RPGR: variants seen among roughly 807,000 people sequenced by gnomAD.
RPGR encodes the protein X-linked retinitis pigmentosa GTPase regulator.
A neutral mutation model predicts 56.3 loss-of-function variants in RPGR; 10 were observed. The ratio of observed to expected loss-of-function variants is 0.18; its 90% confidence interval spans 0.11 to 0.30. RPGR has a LOEUF of 0.30. Ranked by LOEUF, RPGR falls within the 10% of genes least tolerant of loss-of-function variation. The pLI is 1.00. For missense variants in RPGR, 538 were observed against 590.9 expected (o/e 0.91, Z 0.93); for synonymous variants, 197 against 212.9 (o/e 0.93, Z 0.65).
intron 1 of RPGR, chrX:38,325,998 A>C (rs760791755): frequency 8.9e-6 from 1 of 112,211 alleles, no homozygotes; most frequent in South Asian, 3.7e-4. Context: ...ATTAATACGC[A>C]AGAGACTAGC....
chrX:38,276,543 T>C lies in RPGR; in HGVS notation c.2091+44A>G, dbSNP rs377129933. 17 of 1,173,200 alleles carry C rather than the reference T, an allele frequency of 1.4e-5. No homozygotes were observed. The highest frequency in any genetic ancestry group is 3.0e-5 in the East Asian group (1 of 33,591). On this transcript the variant is annotated intron_variant, in intron 16 of 18. Transcript: ENST00000642395. Reference sequence around the variant, plus strand: ...CTCTGCAGAAACTAGAGAACCCATATGTTTTCTCCCAGGATCTCAGGATTT... The same window carrying C: ...CTCTGCAGAAACTAGAGAACCCATACGTTTTCTCCCAGGATCTCAGGATTT...
At chrX:38,279,212 T>C (rs2066986771) in intron 15 of RPGR, 1 of 331,034 alleles carries the variant, frequency 3.0e-6, no homozygotes, top group Non-Finnish European at 5.9e-6. Flanking sequence ...AATACTGTCA[T>C]TTTATAAAAA....
At chrX:38,282,194 C>T in intron 15 of RPGR, among the ~76,000 whole-genome samples, 1 of 111,458 alleles carries the variant, frequency 9.0e-6, no homozygotes, top group Non-Finnish European at 1.9e-5. Context: ...GGAGCTCATT[C>T]TTTCCTGGCA....
chrX:38,284,479 G>A, intron 15 of RPGR: 1 of 750,487 alleles, frequency 1.3e-6, no homozygotes, highest in Non-Finnish European at 1.6e-6. Context: ...AGAACAGTCA[G>A]TGAATACATT....
intron 1 of RPGR, among the ~76,000 whole-genome samples, chrX:38,325,537 T>G (rs780848354): frequency 1.1e-4 from 12 of 112,262 alleles, no homozygotes; most frequent in African/African-American, 3.9e-4. Flanking sequence ...GGGATCCAGT[T>G]ATAAAATGAA....
At chrX:38,304,912 A>T (rs2067568221) in intron 7 of RPGR, 122 bp from the exon 8 acceptor site, 1 of 588,029 alleles carries the variant, frequency 1.7e-6, no homozygotes, top group Non-Finnish European at 2.8e-6. Flanking sequence ...TGGGGAAAAA[A>T]AAACATTTAA....
In RPGR at chrX:38,327,321, C is replaced by G. The variant is rs751889855; in HGVS notation, c.28+19G>C. On this transcript the variant is annotated intron_variant, in intron 1 of 18. Coordinates refer to ENST00000642395, the MANE Select transcript of RPGR (RefSeq NM_000328.3). ...ACCCTCCCTCCCGGCCTTCCGCCAC[C>G]GGCGCGGGCGCAACTCACCGGGCAT... 1 of 1,181,119 alleles carries G rather than the reference C, an allele frequency of 8.5e-7. No homozygotes were observed. The highest frequency in any genetic ancestry group is 1.7e-5 in the African/African-American group (1 of 57,183).
Position 38,269,844 on chromosome X carries a change from A to C in RPGR, c.2242-12T>G. On this transcript the variant is annotated splice_polypyrimidine_tract_variant and intron_variant, in intron 18 of 18. Coordinates refer to ENST00000642395, the MANE Select transcript of RPGR (RefSeq NM_000328.3). Reference sequence around the variant, plus strand: ...TTGAACAGAAAAATCTAGGAAAAAAACCACACACACAAATATTCATTTCCA... The same window carrying C: ...TTGAACAGAAAAATCTAGGAAAAAACCCACACACACAAATATTCATTTCCA... 2 of 1,105,486 alleles carry C rather than the reference A, an allele frequency of 1.8e-6. No homozygotes were observed. The highest frequency in any genetic ancestry group is 1.8e-5 in the South Asian group (1 of 54,136). The allele number at this position is 1,105,486 out of a possible 1,213,427, so 91.1% of individuals were successfully genotyped here.
At chrX:38,315,838 TAGAGAG>T (rs34373117) in intron 6 of RPGR, among the ~76,000 whole-genome samples, 4 of 90,842 alleles carry the variant, frequency 4.4e-5, no homozygotes, top group Admixed American at 1.3e-4. Context: ...TATATATATA[TAGAGAG>T]AGAGAGAGAG....
chrX:38,291,267 AAAT>A, intron 12 of RPGR, 123 bp downstream of exon 12: 1 of 458,248 alleles, frequency 2.2e-6, no homozygotes, highest in South Asian at 3.9e-5. Context: ...GTTGGTTAAA[AAAT>A]AAAGTAAGAA....
At chrX:38,291,974 G>GCT (rs779851883) in intron 11 of RPGR, among the ~76,000 whole-genome samples, 5 of 110,719 alleles carry the variant, frequency 4.5e-5, no homozygotes, top group East Asian at 5.7e-4. Context: ...TGGCTCTCTT[G>GCT]CTCTCTCTCT....
chrX:38,316,040 T>C (rs1466612041), intron 6 of RPGR, among the ~76,000 whole-genome samples: 2 of 111,055 alleles, frequency 1.8e-5, no homozygotes, highest in Non-Finnish European at 3.8e-5. Context: ...TAAAACCCCT[T>C]ATACTTGAGT....
At chrX:38,300,903 A>G (rs1400802745) in intron 9 of RPGR, among the ~76,000 whole-genome samples, 1 of 111,733 alleles carries the variant, frequency 8.9e-6, no homozygotes, top group Non-Finnish European at 1.9e-5. Flanking sequence ...AATTCAGCAA[A>G]TATTTATTAA....
intron 15 of RPGR, chrX:38,286,146 C>A: frequency 2.0e-6 from 1 of 502,888 alleles, no homozygotes; most frequent in Non-Finnish European, 2.5e-6. Flanking sequence ...ATTCTCCTTC[C>A]TCCTCTTCCC....
rs1013602165 is a variant in RPGR at position 38,284,626 on chromosome X, A to T, written c.1905+2468T>A. The T allele has an allele frequency of 4.1e-6, 3 of 732,137 alleles. No individual in the cohort carries two copies. The South Asian group carries it at 2.1e-4, about 51-fold the overall frequency. The allele number at this position is 732,137 out of a possible 1,213,427, so 60.3% of individuals were successfully genotyped here. The stretch of plus-strand genomic sequence containing the variant: ...TGTCATAACTTTTCAAGAGTAAAGA[A>T]AACAACTGTATAGAAAACTAAATTA... On this transcript the variant is annotated intron_variant, in intron 15 of 18. Coordinates refer to ENST00000642395, the MANE Select transcript of RPGR (RefSeq NM_000328.3).
chrX:38,282,777 T>TCAGCAGCAGCAGCAGCAGCAG (rs749108562), intron 15 of RPGR, among the ~76,000 whole-genome samples: 4 of 105,758 alleles, frequency 3.8e-5, no homozygotes, highest in African/African-American at 1.0e-4. Flanking sequence ...CTGCTGCTGT[T>TCAGCAGCAGCAGCAGCAGCAG]CAGCAGCAGC....
intron 11 of RPGR, among the ~76,000 whole-genome samples, chrX:38,293,564 T>C (rs1412800386): frequency 8.9e-6 from 1 of 111,867 alleles, no homozygotes; most frequent in Non-Finnish European, 1.9e-5. Flanking sequence ...CTGAGGAAGA[T>C]CAATGTGGAA....
chrX:38,322,111 C>G (rs1174298453), intron 3 of RPGR, among the ~76,000 whole-genome samples: 5 of 111,646 alleles, frequency 4.5e-5, no homozygotes, highest in Admixed American at 9.5e-5. Flanking sequence ...ATAACAATTC[C>G]CATAAACAGC....
chrX:38,308,617 T>C (rs1374473380), intron 7 of RPGR, among the ~76,000 whole-genome samples: 7 of 111,656 alleles, frequency 6.3e-5, no homozygotes, highest in Non-Finnish European at 1.3e-4. Context: ...ATATAACACA[T>C]AAAGTTGCAT....
Sources: allele counts gnomAD v4.1 joint callset (sites outside exome capture counted in the v4.1 genomes callset), GRCh38; gene constraint gnomAD v4.1.1; transcripts MANE v1.5; gene names NCBI Gene and HGNC (gene_info 2026-07-23, HGNC 2026-07-21).